The following MFGE8 variants were observed in gnomAD, a reference collection of about 807,000 sequenced individuals.
MFGE8 encodes the protein lactadherin.
In MFGE8, 34 loss-of-function variants were observed where a neutral mutation model predicts 42.6. The observed-to-expected ratio is 0.80, with a 90% confidence interval of 0.61 to 1.06. The LOEUF (loss-of-function observed/expected upper bound fraction) is 1.06. Among genes scored for constraint, MFGE8 ranks in the 50% least tolerant of loss-of-function variants. The pLI, the probability that MFGE8 is intolerant of heterozygous loss-of-function variation, is 0.00. For synonymous variants in MFGE8, 230 were observed against 214.8 expected, an observed-to-expected ratio of 1.07 and a Z score of -0.62; for missense variants, 510 against 516.9, an observed-to-expected ratio of 0.99 and a Z score of 0.13.
chr15:88,913,350 C>A lies in MFGE8; in HGVS notation c.-31G>T. On this transcript the variant is annotated 5_prime_UTR_variant, in exon 1 of 8. Coordinates refer to ENST00000268150, the MANE Select transcript of MFGE8 (RefSeq NM_005928.4). ...GGGGACGCGGGCGCTGGAATGGGCA[C>A]GCTGGGCTGCTCAGACCCCGCGGGG... 7.1e-7 allele frequency: 1 copy of A among 1,409,700 alleles called. No homozygotes were observed. Among genetic ancestry groups the A allele is most frequent in the Non-Finnish European group, 9.2e-7 (1 of 1,090,350 alleles). 87.3% of individuals were successfully genotyped at this position (1,409,700 alleles called of 1,614,324 possible).
In MFGE8 at chr15:88,912,526, C is replaced by T. The variant is rs552767766; in HGVS notation, c.73+721G>A. On this transcript the variant is annotated intron_variant, in intron 1 of 7. Transcript: ENST00000268150. ...TCCCAGCGCTCCACGGTGAATGGCACGGGGCATCCGCAAGTCCAGCCTGCA... is the reference window on the plus strand; with the variant it reads ...TCCCAGCGCTCCACGGTGAATGGCATGGGGCATCCGCAAGTCCAGCCTGCA... 1.2e-3 allele frequency: 1,162 copies of T among 985,382 alleles called. 13 individuals are homozygous for T. In the African/African-American group the frequency reaches 0.018, roughly 15 times the overall value. 61.0% of individuals were successfully genotyped at this position (985,382 alleles called of 1,614,324 possible).
chr15:88,899,644 A>T lies in MFGE8; in HGVS notation c.1026+12T>A, dbSNP rs1338214684. Reference sequence around the variant, plus strand: ...GGAATGGCAAAGGGTGGGCAGCTGGACAGACACCCACCTTACTGCTGCCAG... The same window carrying T: ...GGAATGGCAAAGGGTGGGCAGCTGGTCAGACACCCACCTTACTGCTGCCAG... On this transcript the variant is annotated intron_variant, in intron 7 of 7. Transcript: ENST00000268150. The surrounding 1 kb of genome is among the most constrained non-coding windows in gnomAD (Gnocchi z 6.8). 5 of 1,614,028 alleles carry T rather than the reference A, an allele frequency of 3.1e-6. No homozygotes were observed. Among genetic ancestry groups the T allele is most frequent in the Non-Finnish European group, 4.2e-6 (5 of 1,180,012 alleles).
In MFGE8 at chr15:88,913,371, C is replaced by G; in HGVS notation, c.-52G>C. On this transcript the variant is annotated 5_prime_UTR_variant, in exon 1 of 8. Coordinates refer to ENST00000268150, the MANE Select transcript of MFGE8 (RefSeq NM_005928.4). ...GGCACGCTGGGCTGCTCAGACCCCG[C>G]GGGGTTCTGGCGCCTTCTCCTCTGG... 3.0e-6 allele frequency: 4 copies of G among 1,313,390 alleles called. No individual in the cohort carries two copies. Among genetic ancestry groups the G allele is most frequent in the Non-Finnish European group, 3.9e-6 (4 of 1,018,836 alleles). 81.4% of individuals were successfully genotyped at this position (1,313,390 alleles called of 1,614,324 possible).
intron 5 of MFGE8, 176 bp from the exon 6 acceptor site, chr15:88,901,911 C>G: frequency 3.0e-6 from 2 of 657,960 alleles, no homozygotes; most frequent in Non-Finnish European, 5.5e-6. Context: ...CTTCTCACTG[C>G]CGACCCCACC....
chr15:88,904,672 T>C (rs1898583037), intron 5 of MFGE8: 1 of 152,142 alleles, frequency 6.6e-6, no homozygotes, highest in African/African-American at 2.4e-5. Context: ...ACTGAAACAA[T>C]ACGGCTCAAA....
rs56865611 is a variant in MFGE8 at position 88,903,416 on chromosome 15, A to G, written c.686-1681T>C. On this transcript the variant is annotated intron_variant, in intron 5 of 7. Coordinates refer to ENST00000268150, the MANE Select transcript of MFGE8 (RefSeq NM_005928.4). This position sits in a 1 kb window ranked among gnomAD's most constrained non-coding sequence, Gnocchi z 4.9. ...ACAGATCACCTGGGGATCTTGATAT[A>G]AAAAAAAAAAGCTTATGTTTCAGCA... is the stretch of plus-strand genomic sequence containing the variant. The G allele has an allele frequency of 9.6e-5, 7 of 72,906 alleles. No homozygotes were observed. In the East Asian group the frequency reaches 2.2e-3, roughly 23 times the overall value. 4.5% of individuals were successfully genotyped at this position (72,906 alleles called of 1,614,324 possible).
chr15:88,907,714 G>T (rs35699851), intron 2 of MFGE8, among the ~76,000 whole-genome samples: 56 of 149,688 alleles, frequency 3.7e-4, no homozygotes, highest in South Asian at 1.4e-3. Flanking sequence ...AGTCCCCCCC[G>T]CCAGGCTGTG....
intron 6 of MFGE8, chr15:88,900,609 G>T: frequency 1.6e-6 from 1 of 632,340 alleles, no homozygotes; most frequent in Non-Finnish European, 2.0e-6. Flanking sequence ...CCTGCCAGCT[G>T]CACCTGGACA....
intron 5 of MFGE8, chr15:88,904,738 C>T (rs1898585921): frequency 6.6e-6 from 1 of 152,232 alleles, no homozygotes; most frequent in African/African-American, 2.4e-5. Context: ...AACACTGAAC[C>T]CAGCCAGGCA....
intron 6 of MFGE8, among the ~76,000 whole-genome samples, chr15:88,901,136 TTCACAC>T (rs1898368755): frequency 1.4e-4 from 10 of 69,058 alleles, no homozygotes; most frequent in Admixed American, 6.8e-4. Flanking sequence ...CACACACACA[TTCACAC>T]ACACATTCTC....
rs1383380296 is a variant in MFGE8, at chr15:88,903,865, CT to C, written c.685+1891del. ...GGGCTCTTCACCCACCAAGCTGCCCCTCCATCTCTTGGCTCCAGCTCCACTG... is the reference window on the plus strand; with the variant it reads ...GGGCTCTTCACCCACCAAGCTGCCCCCCATCTCTTGGCTCCAGCTCCACTG... On this transcript the variant is annotated intron_variant, in intron 5 of 7. Coordinates refer to ENST00000268150, the MANE Select transcript of MFGE8 (RefSeq NM_005928.4). The surrounding 1 kb of genome is among the most constrained non-coding windows in gnomAD (Gnocchi z 4.9). 2.6e-5 allele frequency: 4 copies of C among 152,430 alleles called. No individual in the cohort carries two copies. Among genetic ancestry groups the C allele is most frequent in the African/African-American group, 9.6e-5 (4 of 41,466 alleles). 9.4% of individuals were successfully genotyped at this position (152,430 alleles called of 1,614,324 possible). A position where few individuals can be genotyped will look rare whatever the true frequency, so the allele number is the denominator to read the frequency against.
rs771581328 is a variant in MFGE8, at chr15:88,905,812, C to T, written c.630G>A (p.Thr210=). ...GCAGAGTGCAGGCCGTGTGGCAGCT[C>T]GTGGGGTACAATCTCACGTACTGAG... ...VEAQYVRLYP[T]SCHTACTLRF... is the part of the protein sequence containing the mutation. The change falls in exon 5 of 8, where the codon ACG becomes ACA. Residue 210 remains threonine (T), a synonymous_variant. Transcript: ENST00000268150. The surrounding 1 kb of genome is among the most constrained non-coding windows in gnomAD (Gnocchi z 6.6). The T allele has an allele frequency of 8.1e-6, 13 of 1,614,076 alleles. No individual in the cohort carries two copies. The highest frequency in any genetic ancestry group is 8.0e-5 in the African/African-American group (6 of 74,922).
intron 2 of MFGE8, among the ~76,000 whole-genome samples, chr15:88,908,522 C>T (rs2141718012): frequency 6.6e-6 from 1 of 152,292 alleles, no homozygotes; most frequent in East Asian, 1.9e-4. Context: ...TGCGAAGGTC[C>T]CTCTGAGGGC....
chr15:88,913,195 G>T, intron 1 of MFGE8, 52 bp downstream of exon 1: 2 of 1,479,060 alleles, frequency 1.4e-6, no homozygotes, highest in African/African-American at 1.5e-5. Flanking sequence ...GCAAACTTCC[G>T]AGCGGCGCGG....
chr15:88,912,175 C>T (rs2141729617), intron 1 of MFGE8: 1 of 1,289,866 alleles, frequency 7.8e-7, no homozygotes, highest in Non-Finnish European at 1.0e-6. Flanking sequence ...GGCCACATCA[C>T]CCTGTATAAA....
intron 1 of MFGE8, 53 bp downstream of exon 1, chr15:88,913,194 C>T (rs555204715): frequency 1.4e-6 from 2 of 1,476,142 alleles, no homozygotes; most frequent in Non-Finnish European, 8.9e-7. Context: ...GGCAAACTTC[C>T]GAGCGGCGCG....
At chr15:88,909,959 AG>A in intron 1 of MFGE8, 36 bp from the exon 2 acceptor site, 1 of 1,613,044 alleles carries the variant, frequency 6.2e-7, no homozygotes, top group Non-Finnish European at 8.5e-7. Flanking sequence ...GCAGATGATC[AG>A]GAAGGAGCTG....
intron 5 of MFGE8, chr15:88,904,445 G>C (rs1898573138): frequency 6.6e-6 from 1 of 152,222 alleles, no homozygotes; most frequent in Non-Finnish European, 1.5e-5. Context: ...GAAGGAAGCA[G>C]ACAGGGTACC....
At chr15:88,909,340 G>A (rs1898847554) in intron 2 of MFGE8, among the ~76,000 whole-genome samples, 1 of 152,218 alleles carries the variant, frequency 6.6e-6, no homozygotes, top group South Asian at 2.1e-4. Context: ...CTTGGGCCAG[G>A]AACTGTCAGA....
Sources: allele counts gnomAD v4.1 joint callset (sites outside exome capture counted in the v4.1 genomes callset), GRCh38; gene constraint gnomAD v4.1.1; non-coding constraint Gnocchi (gnomAD v3.1); transcripts MANE v1.5; gene names NCBI Gene and HGNC (gene_info 2026-07-23, HGNC 2026-07-21).